Variants in SPMIP2 observed in about 807,000 individuals in gnomAD.
SPMIP2 encodes the protein sperm microtubule inner protein 2.
At chr4:158,917,750 G>C in the SPMIP2 span, among the ~76,000 whole-genome samples, 1 of 99,108 alleles carries the variant, frequency 1.0e-5, no homozygotes, top group African/African-American at 4.0e-5. Context: ...TTTTGAGACA[G>C]ATTCTCTGTC....
At chr4:159,013,407 C>T in the SPMIP2 span, among the ~76,000 whole-genome samples, 1 of 152,354 alleles carries the variant, frequency 6.6e-6, no homozygotes, top group South Asian at 2.1e-4. Context: ...GTGGCTTAAA[C>T]AACAGAAATT....
chr4:158,936,235 A>G, the SPMIP2 span, among the ~76,000 whole-genome samples: 13 of 152,362 alleles, frequency 8.5e-5, no homozygotes, highest in South Asian at 2.5e-3. Context: ...AAATTAAAGA[A>G]AGAAAATCAC....
chr4:159,011,310 GTAGT>G, the SPMIP2 span, among the ~76,000 whole-genome samples: 1 of 152,134 alleles, frequency 6.6e-6, no homozygotes, highest in Non-Finnish European at 1.5e-5. Context: ...GCAAAAGGAG[GTAGT>G]TAAAGAATAG....
At chr4:159,016,133 C>T in the SPMIP2 span, among the ~76,000 whole-genome samples, 1 of 152,104 alleles carries the variant, frequency 6.6e-6, no homozygotes, top group African/African-American at 2.4e-5. Flanking sequence ...AGTATACAAT[C>T]AAATACTTGT....
At chr4:159,062,232 A>G in the SPMIP2 span, among the ~76,000 whole-genome samples, 2 of 152,314 alleles carry the variant, frequency 1.3e-5, no homozygotes, top group African/African-American at 4.8e-5. Flanking sequence ...TTACCTCTTG[A>G]TTGTTCCCTG....
chr4:159,004,351 T>C, the SPMIP2 span, among the ~76,000 whole-genome samples: 2 of 130,416 alleles, frequency 1.5e-5, no homozygotes, highest in Admixed American at 1.9e-4. Context: ...AGTGCAGTGG[T>C]GCGATCTCAG....
At chr4:159,002,822 T>C in the SPMIP2 span, among the ~76,000 whole-genome samples, 1 of 152,158 alleles carries the variant, frequency 6.6e-6, no homozygotes, top group Non-Finnish European at 1.5e-5. Context: ...GGTCCCTATG[T>C]GAAATGTATT....
chr4:158,951,600 C>A, the SPMIP2 span, among the ~76,000 whole-genome samples: 1 of 152,146 alleles, frequency 6.6e-6, no homozygotes, highest in Non-Finnish European at 1.5e-5. Flanking sequence ...CAGGAGAGTG[C>A]TTTGTGAGAA....
At chr4:159,059,520 G>GT in the SPMIP2 span, among the ~76,000 whole-genome samples, 12 of 152,142 alleles carry the variant, frequency 7.9e-5, no homozygotes, top group Non-Finnish European at 4.4e-5. Context: ...TTACAGGTGT[G>GT]CACCACCAAA....
At chr4:159,042,750 C>T in the SPMIP2 span, among the ~76,000 whole-genome samples, 2 of 152,158 alleles carry the variant, frequency 1.3e-5, no homozygotes, top group Non-Finnish European at 2.9e-5. Context: ...ACAACCTCTG[C>T]CTTCTGGGTT....
At chr4:159,062,124 T>A in the SPMIP2 span, among the ~76,000 whole-genome samples, 1 of 152,176 alleles carries the variant, frequency 6.6e-6, no homozygotes, top group Non-Finnish European at 1.5e-5. Context: ...AGGACTACCA[T>A]GGGACCCTAC....
the SPMIP2 span, among the ~76,000 whole-genome samples, chr4:158,941,101 C>G: frequency 3.4e-4 from 52 of 152,140 alleles, no homozygotes; most frequent in East Asian, 9.3e-3. Flanking sequence ...TAGGCCTTTA[C>G]AGAGAATAGC....
At chr4:158,902,955 C>T in the SPMIP2 span, among the ~76,000 whole-genome samples, 206 of 152,284 alleles carry the variant, frequency 1.4e-3, 6 homozygotes, top group South Asian at 0.024. Flanking sequence ...CCAGACCACT[C>T]GGCTCCCTGG....
chr4:158,931,400 C>CA, the SPMIP2 span, among the ~76,000 whole-genome samples: 1 of 152,140 alleles, frequency 6.6e-6, no homozygotes, highest in African/African-American at 2.4e-5. Flanking sequence ...GAGGCACTGT[C>CA]ACTATGCCCA....
the SPMIP2 span, among the ~76,000 whole-genome samples, chr4:159,022,688 T>A: frequency 6.6e-6 from 1 of 152,228 alleles, no homozygotes; most frequent in South Asian, 2.1e-4. Context: ...ATGCCCTAGA[T>A]ACGGATTGTG....
the SPMIP2 span, among the ~76,000 whole-genome samples, chr4:158,997,915 C>T: frequency 6.6e-6 from 1 of 152,146 alleles, no homozygotes; most frequent in Non-Finnish European, 1.5e-5. Flanking sequence ...CATCGGCCTC[C>T]CAAAGTGCTG....
chr4:158,972,943 G>T, the SPMIP2 span: 650 of 634,328 alleles, frequency 1.0e-3, 10 homozygotes, highest in South Asian at 1.0e-2. Context: ...TCACACATGT[G>T]TCTTTCTGCA....
the SPMIP2 span, among the ~76,000 whole-genome samples, chr4:159,078,407 C>T: frequency 6.6e-6 from 1 of 152,178 alleles, no homozygotes; most frequent in Admixed American, 6.5e-5. Context: ...GATGAGAGTG[C>T]GGAGTTCCTA....
At chr4:158,922,168 G>A in the SPMIP2 span, among the ~76,000 whole-genome samples, 5 of 152,082 alleles carry the variant, frequency 3.3e-5, no homozygotes, top group Non-Finnish European at 7.4e-5. Flanking sequence ...GATTACAGGC[G>A]TGAGCCACCG....
Sources: allele counts gnomAD v4.1 joint callset (sites outside exome capture counted in the v4.1 genomes callset), GRCh38; gene constraint gnomAD v4.1.1; transcripts MANE v1.5; gene names NCBI Gene and HGNC (gene_info 2026-07-23, HGNC 2026-07-21).